ODAD3: variants seen among roughly 807,000 people sequenced by gnomAD.
The protein encoded by ODAD3 is outer dynein arm docking complex subunit 3, also known as outer dynein arm-docking complex subunit 3.
A neutral mutation model predicts 70.9 loss-of-function variants in ODAD3; 57 were observed. That is an observed-to-expected ratio of 0.80 (90% confidence interval 0.65 to 1.00). ODAD3 has a LOEUF of 1.00. ODAD3 is among the 50% of genes least tolerant of loss of function. The pLI is 0.00. For missense variants in ODAD3, 797 were observed against 763.9 expected, an observed-to-expected ratio of 1.04 and a Z score of -0.51; for synonymous variants, 327 against 315.9, an observed-to-expected ratio of 1.04 and a Z score of -0.37.
intron 3 of ODAD3, 91 bp from the exon 4 acceptor site, chr19:11,427,131 G>A (rs1484802176): frequency 1.4e-6 from 2 of 1,383,102 alleles, no homozygotes; most frequent in East Asian, 5.0e-5. Flanking sequence ...CCACACTGTG[G>A]CTTCCAGGAC....
intron 7 of ODAD3, among the ~76,000 whole-genome samples, chr19:11,424,431 G>C (rs974734427): frequency 9.9e-5 from 15 of 151,286 alleles, no homozygotes; most frequent in Non-Finnish European, 2.1e-4. Context: ...GAGCCCAGGA[G>C]GTCGAGACTG....
intron 7 of ODAD3, among the ~76,000 whole-genome samples, chr19:11,425,867 G>T (rs1969358800): frequency 6.6e-6 from 1 of 151,534 alleles, no homozygotes; most frequent in Admixed American, 6.6e-5. Context: ...AGTCTAGTCA[G>T]GTGGGAAAGG....
chr19:11,433,229 T>C (rs961150343), intron 1 of ODAD3, among the ~76,000 whole-genome samples: 8 of 152,266 alleles, frequency 5.3e-5, no homozygotes, highest in Admixed American at 1.3e-4. Flanking sequence ...TGCAGAATGT[T>C]GGGCAGCATC....
chr19:11,433,745 A>C (rs1969556128), intron 1 of ODAD3, among the ~76,000 whole-genome samples: 1 of 150,290 alleles, frequency 6.7e-6, no homozygotes, highest in East Asian at 2.0e-4. Context: ...TGGGCAGCAT[A>C]GTGAGACCCC....
chr19:11,430,240 C>T (rs1365770906), intron 3 of ODAD3, among the ~76,000 whole-genome samples: 10 of 151,908 alleles, frequency 6.6e-5, no homozygotes, highest in African/African-American at 1.9e-4. Context: ...CGGGTTCAAG[C>T]GATTCTCCTG....
chr19:11,424,090 C>G, intron 7 of ODAD3, 61 bp from the exon 8 acceptor site: 1 of 1,558,520 alleles, frequency 6.4e-7, no homozygotes, highest in Non-Finnish European at 8.7e-7. Context: ...GGAAGGAGGC[C>G]GGGGAGGGGG....
At chr19:11,425,362 C>T (rs1022873939) in intron 7 of ODAD3, among the ~76,000 whole-genome samples, 2,021 of 102,148 alleles carry the variant, frequency 0.02, 177 homozygotes, top group African/African-American at 0.064. Flanking sequence ...TGTATATGTA[C>T]ATATGTGTAT....
rs1043424730 is a variant in ODAD3, at chr19:11,421,938, G to A, written c.1435-106C>T. On this transcript the variant is annotated intron_variant, in intron 10 of 12. Coordinates refer to ENST00000356392, the MANE Select transcript of ODAD3 (RefSeq NM_145045.5). ...CGGGGGCGGGGCCTAGGAGGTAAGG[G>A]CCCACCTGCAGGGTCGATCCTAGCC... 3 of 1,303,614 alleles carry A rather than the reference G, an allele frequency of 2.3e-6. No individual in the cohort carries two copies. In the South Asian group the frequency reaches 4.2e-5, roughly 18 times the overall value. 80.8% of individuals were successfully genotyped at this position (1,303,614 alleles called of 1,614,324 possible).
intron 7 of ODAD3, among the ~76,000 whole-genome samples, chr19:11,424,682 T>C (rs1969231796): frequency 1.6e-5 from 1 of 61,976 alleles, no homozygotes; most frequent in Non-Finnish European, 2.6e-5. Flanking sequence ...TGTGTATATA[T>C]ACCTATGTGT....
chr19:11,421,284 C>A (rs1487382162), intron 11 of ODAD3, 72 bp from the exon 12 acceptor site: 13 of 1,348,676 alleles, frequency 9.6e-6, no homozygotes, highest in Non-Finnish European at 1.0e-6. Flanking sequence ...CGTTCCCCCT[C>A]CTCCCTACCC....
intron 7 of ODAD3, among the ~76,000 whole-genome samples, chr19:11,425,226 T>A (rs577835459): frequency 1.5e-5 from 2 of 135,076 alleles, no homozygotes; most frequent in South Asian, 4.4e-4. Context: ...TATATATGTG[T>A]GTATATGTAC....
intron 7 of ODAD3, among the ~76,000 whole-genome samples, chr19:11,425,149 A>ATGTATATGTACATATG (rs1969278433): frequency 8.5e-6 from 1 of 117,848 alleles, no homozygotes; most frequent in Non-Finnish European, 1.6e-5. Flanking sequence ...ATATGTACAT[A>ATGTATATGTACATATG]TGTATATATA....
rs1599453324 is a variant in ODAD3 at position 11,422,918 on chromosome 19, A to C, written c.1117-57T>G. ...GGCCTAGGGAGCGTAGGGGCGCTCC[A>C]CCTCCTCTCCCCCACCCTGCGAACC... On this transcript the variant is annotated intron_variant, in intron 8 of 12. Transcript: ENST00000356392. This position sits in a 1 kb window ranked among gnomAD's most constrained non-coding sequence, Gnocchi z 4.6. The C allele has an allele frequency of 1.3e-6, 2 of 1,556,242 alleles. No individual in the cohort carries two copies. Among genetic ancestry groups the C allele is most frequent in the Admixed American group, 1.8e-5 (1 of 56,054 alleles).
chr19:11,426,944 G>GCTC lies in ODAD3; in HGVS notation c.538_540dup (p.Glu180dup), dbSNP rs1158547047. ...AGGCGCAGGCTGTGCTGCAGCTGGA[G>GCTC]CTCCTCCAGCCGCCTCTGCCGCAAC... On this transcript the variant is annotated inframe_insertion, in exon 4 of 13. Coordinates refer to ENST00000356392, the MANE Select transcript of ODAD3 (RefSeq NM_145045.5). 6.2e-7 allele frequency: 1 copy of GCTC among 1,608,508 alleles called. No individual in the cohort carries two copies. Among genetic ancestry groups the GCTC allele is most frequent in the African/African-American group, 1.3e-5 (1 of 75,050 alleles).
chr19:11,423,763 C>G, intron 8 of ODAD3, 114 bp downstream of exon 8: 1 of 1,109,462 alleles, frequency 9.0e-7, no homozygotes, highest in South Asian at 1.6e-5. Flanking sequence ...AGCTGAATAA[C>G]CGACCTGGCA....
rs1450134940 is a variant in ODAD3, at chr19:11,429,058, T to C, written c.444+1641A>G. Among the ~76,000 whole-genome samples the C allele has an allele frequency of 9.3e-5, 14 of 150,534 alleles. No homozygotes were observed. The East Asian group carries it at 2.4e-3, about 26-fold the overall frequency. On this transcript the variant is annotated intron_variant, in intron 3 of 12. Transcript: ENST00000356392. The stretch of plus-strand genomic sequence containing the variant: ...ATGCCCGGCTAATTTTTTGTATTTT[T>C]AGTAGAGACGGGGTTTCGCCATGTT...
chr19:11,431,382 G>C (rs1227804988), intron 1 of ODAD3, among the ~76,000 whole-genome samples: 1 of 151,834 alleles, frequency 6.6e-6, no homozygotes, highest in Non-Finnish European at 1.5e-5. Flanking sequence ...AAAGTCCTAG[G>C]ATTATAGGTG....
upstream of ODAD3, chr19:11,435,311 G>T: frequency 1.3e-6 from 1 of 787,762 alleles, no homozygotes; most frequent in Non-Finnish European, 1.9e-6. Flanking sequence ...AGGACGGAGG[G>T]TCTGGACACT....
In ODAD3 at chr19:11,423,860, C is replaced by A. The variant is rs747271424; in HGVS notation, c.1116+17G>T. On this transcript the variant is annotated intron_variant, in intron 8 of 12. Transcript: ENST00000356392. Reference sequence around the variant, plus strand: ...TGGGGGGGGGGCGCGGCGGAGAGGGCTGCGGGCAGAACTCACGTGCGTCTC... The same window carrying A: ...TGGGGGGGGGGCGCGGCGGAGAGGGATGCGGGCAGAACTCACGTGCGTCTC... 6.0e-5 allele frequency: 95 copies of A among 1,593,140 alleles called. No homozygotes were observed. The highest frequency in any genetic ancestry group is 7.8e-5 in the Non-Finnish European group (91 of 1,169,000).
Sources: allele counts gnomAD v4.1 joint callset (sites outside exome capture counted in the v4.1 genomes callset), GRCh38; gene constraint gnomAD v4.1.1; non-coding constraint Gnocchi (gnomAD v3.1); transcripts MANE v1.5; gene names NCBI Gene and HGNC (gene_info 2026-07-23, HGNC 2026-07-21).